The following NOL9 variants were observed in gnomAD, a reference collection of about 807,000 sequenced individuals.
The protein encoded by NOL9 is polynucleotide 5'-hydroxyl-kinase NOL9.
NOL9 carries 28 observed loss-of-function variants against 67.9 expected under a neutral mutation model. The observed-to-expected ratio is 0.41, with a 90% CI of 0.31 to 0.57. The LOEUF is 0.57. NOL9 is among the 20% of genes least tolerant of loss of function. The pLI, the probability that NOL9 is intolerant of heterozygous loss-of-function variation, is 0.25. For missense variants in NOL9, 777 were observed against 897.0 expected (o/e 0.87, Z 1.71); for synonymous variants, 356 against 352.2 (o/e 1.01, Z -0.12).
At chr1:6,539,714 G>A (rs1639234011) in intron 6 of NOL9, among the ~76,000 whole-genome samples, 1 of 152,118 alleles carries the variant, frequency 6.6e-6, no homozygotes, top group South Asian at 2.1e-4. Flanking sequence ...AAACTCCCAG[G>A]CTCAAGCAAT....
At chr1:6,529,265 T>G (rs1401432464) in intron 9 of NOL9, 94 bp from the exon 10 acceptor site, 3 of 1,131,752 alleles carry the variant, frequency 2.7e-6, no homozygotes, top group Non-Finnish European at 3.8e-6. Flanking sequence ...TAAAGATAGG[T>G]CTGCCAAAGT....
intron 1 of NOL9, among the ~76,000 whole-genome samples, chr1:6,553,581 C>T (rs1639591617): frequency 6.6e-6 from 1 of 151,658 alleles, no homozygotes; most frequent in Non-Finnish European, 1.5e-5. Context: ...GTGGTTCACA[C>T]CTGTAATCCC....
chr1:6,534,860 G>A (rs926367417), intron 6 of NOL9, among the ~76,000 whole-genome samples: 1 of 152,070 alleles, frequency 6.6e-6, no homozygotes, highest in Non-Finnish European at 1.5e-5. Flanking sequence ...CTGGAGTGCA[G>A]TGGCGCAATC....
intron 3 of NOL9, among the ~76,000 whole-genome samples, chr1:6,545,443 C>CATGA (rs1639397825): frequency 6.6e-6 from 1 of 152,210 alleles, no homozygotes; most frequent in Admixed American, 6.5e-5. Flanking sequence ...CCTGGTAAGA[C>CATGA]ATGACTGCAC....
chr1:6,527,104 G>A (rs1038395344), intron 10 of NOL9, among the ~76,000 whole-genome samples: 2 of 151,954 alleles, frequency 1.3e-5, no homozygotes, highest in South Asian at 2.1e-4. Flanking sequence ...AAAATTAGCC[G>A]GGCGTAGTGG....
At position 6,524,228 on chromosome 1, in the gene NOL9, A is replaced by G. The variant is rs1638830437; in HGVS notation, c.*1626T>C. The G allele has an allele frequency of 7.1e-6, 1 of 141,020 alleles. No individual in the cohort carries two copies. Among genetic ancestry groups the G allele is most frequent in the South Asian group, 2.5e-4 (1 of 4,042 alleles). The allele number at this position is 141,020 out of a possible 1,614,324, so 8.7% of individuals were successfully genotyped here. Reference sequence around the variant, plus strand: ...TGCTGAGGGGCCACTGTAAAATACTAAAGACAATGATAACCAACAGTTGTA... The same window carrying G: ...TGCTGAGGGGCCACTGTAAAATACTGAAGACAATGATAACCAACAGTTGTA... On this transcript the variant is annotated 3_prime_UTR_variant, in exon 12 of 12. Transcript: ENST00000377705.
chr1:6,531,904 C>A (rs1639036779), intron 9 of NOL9, 64 bp downstream of exon 9: 2 of 1,282,472 alleles, frequency 1.6e-6, no homozygotes, highest in Non-Finnish European at 1.1e-6. Context: ...GAGCGCCCAG[C>A]ACACAGAAAA....
In NOL9 at chr1:6,537,516, ACT is replaced by A. The variant is rs1459905146; in HGVS notation, c.1076-4077_1076-4076del. The stretch of plus-strand genomic sequence containing the variant: ...CCAAAATATGTAAGGAACACAAGAA[ACT>A]CAACAGCAAGAAAACAAATAACCCA... On this transcript the variant is annotated intron_variant, in intron 6 of 11. Transcript: ENST00000377705. 2.0e-5 allele frequency among the ~76,000 whole-genome samples: 3 copies of A among 152,190 alleles called. No homozygotes were observed. The East Asian group carries it at 5.8e-4, about 29-fold the overall frequency.
chr1:6,543,027 G>A (rs1279986488), intron 5 of NOL9, among the ~76,000 whole-genome samples: 1 of 151,850 alleles, frequency 6.6e-6, no homozygotes, highest in Non-Finnish European at 1.5e-5. Context: ...CCAAGTAGCT[G>A]GGACCACAGG....
At chr1:6,540,154 G>A (rs1163513059) in intron 6 of NOL9, among the ~76,000 whole-genome samples, 2 of 118,016 alleles carry the variant, frequency 1.7e-5, no homozygotes, top group Non-Finnish European at 3.4e-5. Flanking sequence ...ACAGAGTCTT[G>A]CTCTGTCGCC....
intron 6 of NOL9, among the ~76,000 whole-genome samples, chr1:6,536,352 A>G (rs990672099): frequency 2.6e-5 from 4 of 151,468 alleles, no homozygotes; most frequent in African/African-American, 9.7e-5. Context: ...TCTCAAATAA[A>G]ATAAAATAAA....
chr1:6,547,944 T>C lies in NOL9; in HGVS notation c.744+1627A>G, dbSNP rs535600262. 8.0e-5 allele frequency: 19 copies of C among 238,062 alleles called. No homozygotes were observed. The South Asian group carries it at 8.5e-4, about 11-fold the overall frequency. The allele number at this position is 238,062 out of a possible 1,614,324, so 14.7% of individuals were successfully genotyped here. A position where few individuals can be genotyped will look rare whatever the true frequency, so the allele number is the denominator to read the frequency against. ...CACACCGTCATAGGCTTTCCTACAA[T>C]ACATCATCATAGGCTTCCTACAATA... On this transcript the variant is annotated intron_variant, in intron 3 of 11. Transcript: ENST00000377705.
At chr1:6,550,326 T>C (rs908009394) in intron 2 of NOL9, 70 bp downstream of exon 2, 32 of 1,405,278 alleles carry the variant, frequency 2.3e-5, no homozygotes, top group Non-Finnish European at 2.9e-5. Flanking sequence ...CCACCGCGCC[T>C]GGCCCTAAAA....
intron 1 of NOL9, among the ~76,000 whole-genome samples, chr1:6,553,391 C>T (rs1639585622): frequency 5.3e-5 from 8 of 152,198 alleles, no homozygotes; most frequent in Admixed American, 5.2e-4. Context: ...CAACCTCAGT[C>T]TCCTCGTCTG....
intron 6 of NOL9, among the ~76,000 whole-genome samples, chr1:6,539,911 G>A (rs887145866): frequency 6.6e-6 from 1 of 152,172 alleles, no homozygotes; most frequent in Admixed American, 6.5e-5. Flanking sequence ...AATTCATAGG[G>A]ACAAAAAGTA....
At chr1:6,537,760 A>T (rs1222592420) in intron 6 of NOL9, among the ~76,000 whole-genome samples, 2 of 152,158 alleles carry the variant, frequency 1.3e-5, no homozygotes, top group African/African-American at 4.8e-5. Context: ...TTCAAAAGAA[A>T]GAAGCTGGAC....
At chr1:6,541,953 G>C (rs757018816) in intron 5 of NOL9, 26 bp from the exon 6 acceptor site, 14 of 1,464,668 alleles carry the variant, frequency 9.6e-6, no homozygotes, top group Non-Finnish European at 1.3e-5. Context: ...AAAGAAAAAA[G>C]AAAGAAAATC....
In NOL9 at chr1:6,532,020, T is replaced by C. The variant is rs1639040008; in HGVS notation, c.1595A>G (p.Gln532Arg). The C allele has an allele frequency of 1.9e-6, 3 of 1,614,190 alleles. No homozygotes were observed. The highest frequency in any genetic ancestry group is 2.5e-6 in the Non-Finnish European group (3 of 1,180,036). The stretch of plus-strand genomic sequence containing the variant: ...AGAAAGTGGTTTGGGCATCGGGGGC[T>C]GCAGCTGGCTAAGGTAACTCAAGAT... ...LSILSYLSQL[Q>R]PPMPKPLSPL... Residue 532 changes from glutamine to arginine, a missense_variant, in exon 9 of 12, where the codon CAG becomes CGG. Physicochemically the swap from Gln to Arg is conservative, Grantham distance 43. Coordinates refer to ENST00000377705, the MANE Select transcript of NOL9 (RefSeq NM_024654.5).
At chr1:6,540,124 C>CTTTTTT (rs770304509) in intron 6 of NOL9, among the ~76,000 whole-genome samples, 1,240 of 104,338 alleles carry the variant, frequency 0.012, 122 homozygotes, top group African/African-American at 0.024. Flanking sequence ...GAGAGTTATT[C>CTTTTTT]TTTTTTTTTT....
Sources: allele counts gnomAD v4.1 joint callset (sites outside exome capture counted in the v4.1 genomes callset), GRCh38; gene constraint gnomAD v4.1.1; transcripts MANE v1.5; gene names NCBI Gene and HGNC (gene_info 2026-07-23, HGNC 2026-07-21).